Variants in TTC14 observed in about 807,000 individuals in gnomAD.
TTC14 encodes the protein tetratricopeptide repeat domain 14.
In TTC14, 63 loss-of-function variants were observed where a neutral mutation model predicts 79.9. The observed-to-expected ratio is 0.79, with a 90% CI of 0.64 to 0.97. The LOEUF is 0.97. Among genes scored for constraint, TTC14 ranks in the 50% least tolerant of loss-of-function variants. The pLI is 0.00. For missense variants in TTC14, 895 were observed against 894.0 expected, an observed-to-expected ratio of 1.00 and a Z score of -0.01; for synonymous variants, 335 against 309.6, an observed-to-expected ratio of 1.08 and a Z score of -0.86.
Position 180,617,117 on chromosome 3 carries a change from T to C in TTC14, c.1775-263T>C, listed in dbSNP as rs1576930287. On this transcript the variant is annotated intron_variant, in intron 12 of 12. Transcript: ENST00000382584. ...GATGTACCTCTTAATGACATCTCGG[T>C]CAATGATGGACTGTATATATGATGG... 2.6e-5 allele frequency among the ~76,000 whole-genome samples: 4 copies of C among 152,290 alleles called. No homozygotes were observed. In the South Asian group the frequency reaches 8.3e-4, roughly 32 times the overall value.
chr3:180,606,729 G>A (rs747285077), intron 9 of TTC14, 126 bp downstream of exon 9: 16 of 1,188,768 alleles, frequency 1.3e-5, no homozygotes, highest in Non-Finnish European at 1.7e-5. Context: ...ATAAATAAAT[G>A]GGAAAGTACA....
chr3:180,618,160 T>G (rs552070011), downstream of TTC14, among the ~76,000 whole-genome samples: 1 of 152,188 alleles, frequency 6.6e-6, no homozygotes, highest in Non-Finnish European at 1.5e-5. Flanking sequence ...TACACTCTTA[T>G]GATGTTCACA....
chr3:180,616,548 T>A, intron 12 of TTC14: 1 of 1,588,814 alleles, frequency 6.3e-7, no homozygotes, highest in Non-Finnish European at 8.6e-7. Flanking sequence ...ATAATACGGA[T>A]CTCAGTATTT....
chr3:180,615,341 A>C (rs1490491596), downstream of TTC14, among the ~76,000 whole-genome samples: 1 of 152,130 alleles, frequency 6.6e-6, no homozygotes, highest in African/African-American at 2.4e-5. Flanking sequence ...TTGAACTATA[A>C]TCAGTTTTTT....
downstream of TTC14, chr3:180,615,069 C>G (rs1273290943): frequency 2.6e-6 from 4 of 1,529,608 alleles, no homozygotes; most frequent in Admixed American, 6.9e-5. Flanking sequence ...ACTTGTACTC[C>G]TAGATGACCT....
Position 180,602,379 on chromosome 3 carries a change from G to T in TTC14, c.118G>T (p.Glu40Ter). Reference protein sequence around the residue: ...HFRSLLGSAAEPARGPPPQHP... With the variant: ...HFRSLLGSAA ...CCGTAGCCTCCTGGGGTCGGCCGCC[G>T]AGCCAGCCCGGGGCCCGCCGCCCCA... Residue 40 changes from glutamate (E) to a stop codon, truncating the protein, a stop_gained, in exon 1 of 12, where the codon GAG becomes TAG. Transcript: ENST00000296015. LOFTEE classifies it high-confidence loss of function. The T allele has an allele frequency of 1.2e-6, 2 of 1,610,630 alleles. No individual in the cohort carries two copies. Among genetic ancestry groups the T allele is most frequent in the Non-Finnish European group, 8.5e-7 (1 of 1,179,496 alleles).
In TTC14 at chr3:180,602,871, T is replaced by C; in HGVS notation, c.162-20T>C. 2 of 1,593,540 alleles carry C rather than the reference T, an allele frequency of 1.3e-6. No individual in the cohort carries two copies. The highest frequency in any genetic ancestry group is 1.7e-6 in the Non-Finnish European group (2 of 1,173,280). On this transcript the variant is annotated intron_variant, in intron 1 of 11. Transcript: ENST00000296015. Reference sequence around the variant, plus strand: ...CTTTGCAGATAACCCAATTTTCATATATATTTTTTTCTTTTTAAGAAAAGA... The same window carrying C: ...CTTTGCAGATAACCCAATTTTCATACATATTTTTTTCTTTTTAAGAAAAGA...
chr3:180,617,495 C>T lies in TTC14; in HGVS notation c.1890C>T (p.Asp630=), dbSNP rs371177319. ...ATGACAGCTCCATTCATGTTACTGA[C>T]CCTGAAGACCTTCAAGTGGGACAAG... Residue 630 remains aspartate, a synonymous_variant, in exon 13 of 13, where the codon GAC becomes GAT. Coordinates refer to the TTC14 transcript ENST00000382584. The T allele has an allele frequency of 1.5e-4, 100 of 674,744 alleles. No individual in the cohort carries two copies. The East Asian group carries it at 1.5e-3, about 10-fold the overall frequency. 41.8% of individuals were successfully genotyped at this position (674,744 alleles called of 1,614,324 possible).
chr3:180,610,774 C>T lies in TTC14; in HGVS notation c.*232C>T. On this transcript the variant is annotated 3_prime_UTR_variant, in exon 12 of 12. Coordinates refer to ENST00000296015, the MANE Select transcript of TTC14 (RefSeq NM_133462.4). ...ATATGTTTATGTACAGTATATTACT[C>T]TTGACAGTTTGAATTTCTTCACCTA... 1 of 1,089,772 alleles carries T rather than the reference C, an allele frequency of 9.2e-7. No homozygotes were observed. The highest frequency in any genetic ancestry group is 1.1e-6 in the Non-Finnish European group (1 of 896,732). The allele number at this position is 1,089,772 out of a possible 1,614,324, so 67.5% of individuals were successfully genotyped here. A position where few individuals can be genotyped will look rare whatever the true frequency, so the allele number is the denominator to read the frequency against.
rs764639937 is a variant in TTC14 at position 180,604,841 on chromosome 3, A to AT, written c.702-4dup. On this transcript the variant is annotated splice_polypyrimidine_tract_variant and intron_variant, in intron 5 of 11. Transcript: ENST00000296015. ...GTCATTTTACAATTTTTGTGTTTGT[A>AT]TTTTTTTAAGGAGAAGTGTTGAGCT... 2.9e-4 allele frequency: 468 copies of AT among 1,587,852 alleles called. No individual in the cohort carries two copies. Among genetic ancestry groups the AT allele is most frequent in the Non-Finnish European group, 3.8e-4 (450 of 1,170,246 alleles).
intron 1 of TTC14, 121 bp from the exon 2 acceptor site, chr3:180,602,770 G>A: frequency 8.3e-7 from 1 of 1,204,702 alleles, no homozygotes; most frequent in African/African-American, 1.5e-5. Context: ...TTTTGTCTGA[G>A]GTTGTATTGT....
intron 12 of TTC14, chr3:180,616,462 G>A (rs2108404111): frequency 1.3e-6 from 2 of 1,497,344 alleles, no homozygotes; most frequent in African/African-American, 1.4e-5. Context: ...TGTCATGAAA[G>A]TTTTTATTTT....
At chr3:180,605,164 G>GACTGT (rs1716606678) in intron 6 of TTC14, 157 bp downstream of exon 6, 1 of 619,828 alleles carries the variant, frequency 1.6e-6, no homozygotes, top group African/African-American at 1.8e-5. Context: ...TTCTGGACTG[G>GACTGT]ACTGTCTTAT....
chr3:180,609,875 A>G lies in TTC14; in HGVS notation c.1646A>G (p.Asn549Ser). 1 of 1,613,844 alleles carries G rather than the reference A, an allele frequency of 6.2e-7. No homozygotes were observed. The highest frequency in any genetic ancestry group is 2.2e-5 in the East Asian group (1 of 44,866). Residue 549 changes from asparagine to serine, a missense_variant, in exon 12 of 12, where the codon AAC becomes AGC. Coordinates refer to ENST00000296015, the MANE Select transcript of TTC14 (RefSeq NM_133462.4). ...VPANTSASFLNHKQEVEKLLG... is the reference protein window; with the variant it reads ...VPANTSASFLSHKQEVEKLLG... ...GCTAATACTTCAGCATCTTTTCTTA[A>G]CCATAAACAAGAAGTGGAGAAACTA...
In TTC14 at chr3:180,606,392, A is replaced by AT; in HGVS notation, c.1049+24dup. 1 of 1,613,764 alleles carries AT rather than the reference A, an allele frequency of 6.2e-7. No individual in the cohort carries two copies. The highest frequency in any genetic ancestry group is 8.5e-7 in the Non-Finnish European group (1 of 1,179,872). ...AGCATTGTAAGTGAATCATACATGG[A>AT]TTTTAAGGAATGTTTACCAGGTAAA... is the stretch of plus-strand genomic sequence containing the variant. On this transcript the variant is annotated intron_variant, in intron 8 of 11. Transcript: ENST00000296015.
At chr3:180,607,855 TTAAG>T (rs1716778619) in intron 10 of TTC14, 90 bp downstream of exon 10, 2 of 1,553,940 alleles carry the variant, frequency 1.3e-6, no homozygotes, top group Non-Finnish European at 1.7e-6. Context: ...TCTACATTAC[TTAAG>T]TAAGGCATTA....
Position 180,609,716 on chromosome 3 carries a change from C to T in TTC14, c.1487C>T (p.Ser496Phe), listed in dbSNP as rs780070150. Residue 496 changes from serine (S) to phenylalanine (F), a missense_variant, in exon 12 of 12, where the codon TCT becomes TTT. Ser to Phe is a radical substitution (Grantham distance 155, BLOSUM62 -2). Transcript: ENST00000296015. ...GTGTCTTCATCATCATCCTCTTCCT[C>T]TTCTGGTCACAAAAGGCATAAGAAA... ...ESVSSSSSSS[S>F]SGHKRHKKHK... is the part of the protein sequence containing the mutation. The T allele has an allele frequency of 9.9e-6, 16 of 1,613,482 alleles. No homozygotes were observed. The Admixed American group carries it at 2.7e-4, about 27-fold the overall frequency.
Position 180,609,555 on chromosome 3 carries a change from A to C in TTC14, c.1401-75A>C, listed in dbSNP as rs1355949674. 2.1e-6 allele frequency: 3 copies of C among 1,400,098 alleles called. No individual in the cohort carries two copies. The East Asian group carries it at 7.8e-5, about 36-fold the overall frequency. The allele number at this position is 1,400,098 out of a possible 1,614,324, so 86.7% of individuals were successfully genotyped here. ...CTTTTATAAAATCTTTAAAGGAAAC[A>C]AATAGGGCCCACATCTTTATGAATA... On this transcript the variant is annotated intron_variant, in intron 11 of 11. Transcript: ENST00000296015.
chr3:180,606,658 A>G (rs1032961635), intron 9 of TTC14, 55 bp downstream of exon 9: 11 of 1,550,206 alleles, frequency 7.1e-6, no homozygotes, highest in African/African-American at 4.2e-5. Flanking sequence ...CAACCACTAA[A>G]AAATTTTGAA....
Sources: gnomAD v4.1 joint callset for allele counts (sites outside exome capture counted in the v4.1 genomes callset) on GRCh38, gnomAD v4.1.1 for gene constraint, MANE v1.5 for transcripts, NCBI Gene and HGNC (gene_info 2026-07-23, HGNC 2026-07-21) for gene names.